Variants in CTNNA2 observed in about 807,000 individuals in gnomAD.
CTNNA2 encodes the protein catenin alpha 2, also known as catenin alpha-2.
CTNNA2 carries 42 observed loss-of-function variants against 101.0 expected under a neutral mutation model. The observed-to-expected ratio is 0.42, with a 90% CI of 0.32 to 0.54. The LOEUF (loss-of-function observed/expected upper bound fraction) is 0.54. Among genes scored for constraint, CTNNA2 ranks in the 20% least tolerant of loss-of-function variants. CTNNA2 has a pLI of 0.14. For synonymous variants in CTNNA2, 450 were observed against 456.4 expected (o/e 0.99, Z 0.18); for missense variants, 871 against 1,223.1 (o/e 0.71, Z 4.29).
At chr2:79,372,307 G>T (rs1052052614) in intron 3 of CTNNA2, among the ~76,000 whole-genome samples, 2 of 152,056 alleles carry the variant, frequency 1.3e-5, no homozygotes. Context: ...TGATGTCACT[G>T]CCCAGCAAAG....
intron 7 of CTNNA2, among the ~76,000 whole-genome samples, chr2:80,187,554 A>C (rs1439168693): frequency 6.6e-6 from 1 of 152,202 alleles, no homozygotes; most frequent in African/African-American, 2.4e-5. Flanking sequence ...TGTATTTCTA[A>C]GGGTTGTGTG....
intron 3 of CTNNA2, among the ~76,000 whole-genome samples, chr2:79,782,058 G>A (rs941163132): frequency 3.3e-5 from 5 of 152,088 alleles, no homozygotes; most frequent in African/African-American, 1.2e-4. Flanking sequence ...GATTTATAGT[G>A]CTTGAAGTGA....
At chr2:79,943,355 G>A (rs1485552865) in intron 7 of CTNNA2, among the ~76,000 whole-genome samples, 1 of 152,132 alleles carries the variant, frequency 6.6e-6, no homozygotes, top group Non-Finnish European at 1.5e-5. Flanking sequence ...TACTATTGGA[G>A]ACCCAAATAC....
chr2:80,054,177 C>G (rs920980667), intron 7 of CTNNA2, among the ~76,000 whole-genome samples: 3 of 152,146 alleles, frequency 2.0e-5, no homozygotes, highest in South Asian at 2.1e-4. Flanking sequence ...TCTGAGGGCC[C>G]GACCTTGCTG....
At chr2:79,832,758 A>T (rs1679020139) in intron 3 of CTNNA2, among the ~76,000 whole-genome samples, 1 of 152,182 alleles carries the variant, frequency 6.6e-6, no homozygotes, top group Admixed American at 6.5e-5. Flanking sequence ...TAAATGGATG[A>T]GCATTTGTTG....
chr2:80,059,117 T>C (rs1312178694), intron 7 of CTNNA2, among the ~76,000 whole-genome samples: 2 of 152,198 alleles, frequency 1.3e-5, no homozygotes, highest in Non-Finnish European at 2.9e-5. Flanking sequence ...AGTTATAAGG[T>C]AGACTCTTGG....
At chr2:79,940,121 T>C (rs1234581802) in intron 7 of CTNNA2, among the ~76,000 whole-genome samples, 3 of 152,148 alleles carry the variant, frequency 2.0e-5, no homozygotes, top group African/African-American at 7.2e-5. Context: ...ACCCTACTAA[T>C]TTGCCTAAAA....
intron 9 of CTNNA2, among the ~76,000 whole-genome samples, chr2:80,447,200 G>C (rs1229610820): frequency 6.6e-6 from 1 of 152,150 alleles, no homozygotes; most frequent in African/African-American, 2.4e-5. Context: ...TCTTCTGCAA[G>C]AGCTAGAGAT....
chr2:80,182,303 G>C (rs1705834299), intron 7 of CTNNA2, among the ~76,000 whole-genome samples: 1 of 152,176 alleles, frequency 6.6e-6, no homozygotes, highest in African/African-American at 2.4e-5. Context: ...CAGCTCAAGA[G>C]AAAGATGGAG....
chr2:79,290,717 C>T (rs1233478615), intron 2 of CTNNA2, among the ~76,000 whole-genome samples: 1 of 152,146 alleles, frequency 6.6e-6, no homozygotes, highest in Non-Finnish European at 1.5e-5. Flanking sequence ...GTCCCGACTC[C>T]AGGGAGAAAC....
intron 7 of CTNNA2, among the ~76,000 whole-genome samples, chr2:80,343,436 A>T (rs979626287): frequency 2.4e-4 from 36 of 151,492 alleles, no homozygotes; most frequent in Admixed American, 2.3e-3. Context: ...ACATAAAAAA[A>T]ATCTCCAGTG....
chr2:79,325,462 C>G (rs1676725296), intron 3 of CTNNA2, among the ~76,000 whole-genome samples: 2 of 152,166 alleles, frequency 1.3e-5, no homozygotes, highest in Non-Finnish European at 2.9e-5. Context: ...CTTCAAATAG[C>G]ATTTCGGGAC....
intron 1 of CTNNA2, among the ~76,000 whole-genome samples, chr2:79,601,097 A>T (rs1489110870): frequency 6.6e-6 from 1 of 152,216 alleles, no homozygotes; most frequent in Non-Finnish European, 1.5e-5. Context: ...GAGGATAAAG[A>T]GAAAGAATAG....
chr2:80,623,462 G>A (rs567879622), intron 18 of CTNNA2, among the ~76,000 whole-genome samples: 1 of 151,974 alleles, frequency 6.6e-6, no homozygotes, highest in Admixed American at 6.6e-5. Flanking sequence ...TAACATTGAG[G>A]TATATAAGTA....
intron 9 of CTNNA2, among the ~76,000 whole-genome samples, chr2:80,425,092 C>T (rs746290432): frequency 3.9e-5 from 6 of 152,188 alleles, no homozygotes; most frequent in Non-Finnish European, 7.3e-5. Context: ...GCGAGGGTGA[C>T]TGGAGTGACA....
intron 9 of CTNNA2, among the ~76,000 whole-genome samples, chr2:80,517,177 T>G (rs1689174549): frequency 6.6e-6 from 1 of 152,250 alleles, no homozygotes; most frequent in African/African-American, 2.4e-5. Context: ...AGAGCATAAG[T>G]GTGCTCCATC....
chr2:80,536,190 C>G (rs1690999767), intron 9 of CTNNA2, among the ~76,000 whole-genome samples: 1 of 152,122 alleles, frequency 6.6e-6, no homozygotes, highest in Admixed American at 6.6e-5. Context: ...CTAATTACAT[C>G]AGCACAGATA....
At chr2:80,277,553 G>GGAAA (rs377036919) in intron 7 of CTNNA2, among the ~76,000 whole-genome samples, 1 of 83,828 alleles carries the variant, frequency 1.2e-5, no homozygotes, top group Non-Finnish European at 2.2e-5. Flanking sequence ...AAGGATTTCT[G>GGAAA]AAAAAAAAAA....
intron 7 of CTNNA2, among the ~76,000 whole-genome samples, chr2:80,060,058 T>G (rs1697474165): frequency 1.3e-5 from 2 of 152,224 alleles, no homozygotes; most frequent in African/African-American, 4.8e-5. Context: ...GATTTCTCGA[T>G]CTCACTGAGT....
Sources: allele counts gnomAD v4.1 joint callset (sites outside exome capture counted in the v4.1 genomes callset), GRCh38; gene constraint gnomAD v4.1.1; transcripts MANE v1.5; gene names NCBI Gene and HGNC (gene_info 2026-07-23, HGNC 2026-07-21).